Variants in ZNF322 observed in about 807,000 individuals in gnomAD.
The protein encoded by ZNF322 is HLA complex group 12.
In ZNF322, 1 loss-of-function variant was observed where a neutral mutation model predicts 18.3. The observed-to-expected ratio is 0.05, with a 90% CI of 0.02 to 0.26. The LOEUF (loss-of-function observed/expected upper bound fraction) is 0.26. Among genes scored for constraint, ZNF322 ranks in the 10% least tolerant of loss-of-function variants. The pLI is 1.00. For missense variants in ZNF322, 36 were observed against 403.6 expected (o/e 0.09, Z 7.80); for synonymous variants, 17 against 130.7 (o/e 0.13, Z 5.93).
chr6:26,643,300 G>C (rs1260583053), intron 3 of ZNF322, among the ~76,000 whole-genome samples: 2 of 152,130 alleles, frequency 1.3e-5, no homozygotes, highest in African/African-American at 4.8e-5. Context: ...TCTGTTTAAA[G>C]TTGTGAATAG....
intron 2 of ZNF322, among the ~76,000 whole-genome samples, chr6:26,650,791 C>A (rs1240504887): frequency 6.6e-6 from 1 of 152,058 alleles, no homozygotes; most frequent in Non-Finnish European, 1.5e-5. Flanking sequence ...AAAAAGAGAA[C>A]TAAATAAATG....
intron 2 of ZNF322, among the ~76,000 whole-genome samples, chr6:26,646,073 A>AAATC (rs1354517586): frequency 1.5e-5 from 2 of 134,944 alleles, no homozygotes; most frequent in Non-Finnish European, 3.2e-5. Context: ...ATAAATAAAT[A>AAATC]AATCTAAGTA....
rs536930958 is a variant in ZNF322 at position 26,657,064 on chromosome 6, C to T, written c.-246+1494G>A. Among the ~76,000 whole-genome samples the T allele has an allele frequency of 7.3e-4, 111 of 152,200 alleles. 4 individuals are homozygous for T. In the East Asian group the frequency reaches 8.6e-3, roughly 12 times the overall value. ...GAGATTGAGACCATCCTGGCTAACA[C>T]GGTGAAACCCCGTCTCTGCTAAAAA... On this transcript the variant is annotated intron_variant, in intron 2 of 3. Transcript: ENST00000415922.
chr6:26,650,963 G>A (rs1401212774), intron 2 of ZNF322, among the ~76,000 whole-genome samples: 2 of 152,254 alleles, frequency 1.3e-5, no homozygotes. Flanking sequence ...CTAGATTAGC[G>A]ATCATAATGC....
At chr6:26,654,316 G>C (rs963058474) in intron 2 of ZNF322, among the ~76,000 whole-genome samples, 5 of 152,088 alleles carry the variant, frequency 3.3e-5, no homozygotes, top group Non-Finnish European at 7.4e-5. Flanking sequence ...AATGTTTGCT[G>C]AGAAGTCATG....
At chr6:26,654,520 C>T (rs936042964) in intron 2 of ZNF322, among the ~76,000 whole-genome samples, 1 of 151,798 alleles carries the variant, frequency 6.6e-6, no homozygotes, top group Non-Finnish European at 1.5e-5. Flanking sequence ...GTGCAATATG[C>T]CAGAAGGACC....
chr6:26,640,597 G>A (rs1466594429), intron 3 of ZNF322, among the ~76,000 whole-genome samples: 2 of 152,078 alleles, frequency 1.3e-5, no homozygotes, highest in Non-Finnish European at 2.9e-5. Context: ...CGTCCCAGCT[G>A]ACTCACAAAA....
chr6:26,649,962 C>T (rs1417886544), intron 2 of ZNF322, among the ~76,000 whole-genome samples: 2 of 151,496 alleles, frequency 1.3e-5, no homozygotes, highest in African/African-American at 4.8e-5. Flanking sequence ...CTCAGCCTCC[C>T]AAAGTGCTGG....
chr6:26,649,667 GTGTGTGTGTATA>G (rs1288852280), intron 2 of ZNF322, among the ~76,000 whole-genome samples: 887 of 44,122 alleles, frequency 0.02, 24 homozygotes, highest in African/African-American at 0.055. Flanking sequence ...GTGTGTGTGT[GTGTGTGTGTATA>G]TATATATATA....
chr6:26,657,913 T>G (rs1765811041), intron 2 of ZNF322, among the ~76,000 whole-genome samples: 1 of 151,902 alleles, frequency 6.6e-6, no homozygotes, highest in Non-Finnish European at 1.5e-5. Context: ...AGGGTCGAAG[T>G]GAAAGGAATA....
chr6:26,639,454 A>G (rs1765428532), intron 3 of ZNF322, among the ~76,000 whole-genome samples: 1 of 152,180 alleles, frequency 6.6e-6, no homozygotes, highest in African/African-American at 2.4e-5. Flanking sequence ...TAGATTTTAT[A>G]ACAGGCTTTT....
intron 3 of ZNF322, among the ~76,000 whole-genome samples, chr6:26,639,291 A>G (rs1472335863): frequency 6.6e-6 from 1 of 152,178 alleles, no homozygotes; most frequent in Non-Finnish European, 1.5e-5. Context: ...ATCGCTATGA[A>G]TCTCCTGGTA....
intron 2 of ZNF322, among the ~76,000 whole-genome samples, chr6:26,656,787 A>G (rs573815150): frequency 1.3e-5 from 2 of 152,212 alleles, no homozygotes; most frequent in South Asian, 4.1e-4. Flanking sequence ...TTATTCCCTA[A>G]AGTTATCAGT....
In ZNF322 at chr6:26,636,516, A is replaced by G. The variant is rs1765355229; in HGVS notation, c.*829T>C. The stretch of plus-strand genomic sequence containing the variant: ...TCTCTACCATATGAGTCAACTAACT[A>G]TGAGAACAGTCTTCTCATACATATT... On this transcript the variant is annotated 3_prime_UTR_variant, in exon 4 of 4. Coordinates refer to ENST00000415922, the MANE Select transcript of ZNF322 (RefSeq NM_024639.5). 1.3e-5 allele frequency: 2 copies of G among 152,030 alleles called. No homozygotes were observed. The highest frequency in any genetic ancestry group is 2.9e-5 in the Non-Finnish European group (2 of 68,016). 9.4% of individuals were successfully genotyped at this position (152,030 alleles called of 1,614,324 possible).
chr6:26,641,359 C>T (rs2113659217), intron 3 of ZNF322, among the ~76,000 whole-genome samples: 1 of 152,178 alleles, frequency 6.6e-6, no homozygotes, highest in East Asian at 1.9e-4. Context: ...ATTGTGACCA[C>T]CGCGGGACAT....
chr6:26,649,693 A>T (rs1344201405), intron 2 of ZNF322, among the ~76,000 whole-genome samples: 17 of 63,278 alleles, frequency 2.7e-4, no homozygotes, highest in South Asian at 5.5e-4. Context: ...ATATATATAT[A>T]TATATATATT....
At chr6:26,652,185 T>C (rs904020513) in intron 2 of ZNF322, among the ~76,000 whole-genome samples, 4 of 152,092 alleles carry the variant, frequency 2.6e-5, no homozygotes, top group Admixed American at 6.6e-5. Flanking sequence ...TGGAGGAAAA[T>C]TGATAAGCTG....
intron 2 of ZNF322, among the ~76,000 whole-genome samples, chr6:26,652,917 ACT>A (rs1424433463): frequency 2.0e-5 from 3 of 152,014 alleles, no homozygotes; most frequent in Non-Finnish European, 2.9e-5. Flanking sequence ...ACATATGGGT[ACT>A]CTCTGTATTT....
intron 2 of ZNF322, among the ~76,000 whole-genome samples, chr6:26,653,338 C>T (rs889385409): frequency 6.6e-6 from 1 of 152,176 alleles, no homozygotes; most frequent in Admixed American, 6.5e-5. Flanking sequence ...ACTAGATATA[C>T]ATTTACTTTT....
Sources: allele counts gnomAD v4.1 joint callset (sites outside exome capture counted in the v4.1 genomes callset), GRCh38; gene constraint gnomAD v4.1.1; transcripts MANE v1.5; gene names NCBI Gene and HGNC (gene_info 2026-07-23, HGNC 2026-07-21).